CHST9: variants seen among roughly 807,000 people sequenced by gnomAD.
CHST9 encodes the protein carbohydrate sulfotransferase 9.
Under a neutral mutation model 44.4 loss-of-function variants are expected in CHST9, and 41 were observed. The ratio of observed to expected loss-of-function variants is 0.92; its 90% CI spans 0.72 to 1.20. The LOEUF (loss-of-function observed/expected upper bound fraction) is 1.20, where lower values mean the gene tolerates loss of function less well. CHST9 is among the 50% of genes most tolerant of loss of function. CHST9 has a pLI of 0.00. For missense variants in CHST9, 504 were observed against 516.5 expected (o/e 0.98, Z 0.23); for synonymous variants, 171 against 178.4 (o/e 0.96, Z 0.33).
At chr18:27,028,216 T>C (rs905579439) in intron 3 of CHST9, among the ~76,000 whole-genome samples, 1 of 152,210 alleles carries the variant, frequency 6.6e-6, no homozygotes, top group Non-Finnish European at 1.5e-5. Context: ...GCTCGGCCTA[T>C]ATAGCCTTTT....
In CHST9 at chr18:26,982,581, G is replaced by A. The variant is rs1356757747; in HGVS notation, c.203-38215C>T. Among the ~76,000 whole-genome samples the A allele has an allele frequency of 2.6e-5, 4 of 152,286 alleles. No homozygotes were observed. The East Asian group carries it at 5.8e-4, about 22-fold the overall frequency. ...CCTTACTGGGGACGGGGGACACACA[G>A]TGAATGGGATACTGTTGCTGGCTTC... is the stretch of plus-strand genomic sequence containing the variant. On this transcript the variant is annotated intron_variant, in intron 4 of 5. Coordinates refer to ENST00000618847, the MANE Select transcript of CHST9 (RefSeq NM_031422.6).
intron 2 of CHST9, among the ~76,000 whole-genome samples, chr18:27,053,218 G>GGAAGAGGAA (rs1491351077): frequency 1.9e-4 from 6 of 32,324 alleles, no homozygotes; most frequent in Non-Finnish European, 4.0e-4. Flanking sequence ...AGGAGGAAGA[G>GGAAGAGGAA]GAAGAAGAAG....
intron 2 of CHST9, among the ~76,000 whole-genome samples, chr18:27,071,810 CT>C (rs1008811778): frequency 7.9e-5 from 12 of 152,188 alleles, no homozygotes; most frequent in Admixed American, 6.5e-4. Context: ...AACAAAGGGC[CT>C]TGGGGGGGAT....
At chr18:27,022,784 T>C (rs898505394) in intron 4 of CHST9, among the ~76,000 whole-genome samples, 2 of 152,240 alleles carry the variant, frequency 1.3e-5, no homozygotes, top group Non-Finnish European at 2.9e-5. Flanking sequence ...TTTAACAGTG[T>C]ATTCTGTGCA....
chr18:26,956,574 C>CT (rs2056328966), intron 4 of CHST9, among the ~76,000 whole-genome samples: 1 of 151,436 alleles, frequency 6.6e-6, no homozygotes, highest in African/African-American at 2.4e-5. Context: ...TTGTCTCTTG[C>CT]TTATGGATAG....
chr18:27,185,190 C>T lies in CHST9; in HGVS notation c.-151G>A, dbSNP rs2058947140. ...TGCTGCTGTTCCAGGAGCGCAGCTT[C>T]GGAGGAAACTTCCCCGCGCTCCGGG... On this transcript the variant is annotated 5_prime_UTR_variant, in exon 1 of 6. Transcript: ENST00000618847. 2 of 152,100 alleles carry T rather than the reference C, an allele frequency of 1.3e-5. No individual in the cohort carries two copies. Among genetic ancestry groups the T allele is most frequent in the Non-Finnish European group, 2.9e-5 (2 of 68,054 alleles). 9.4% of individuals were successfully genotyped at this position (152,100 alleles called of 1,614,324 possible).
At chr18:27,084,102 T>G (rs2143690298) in intron 2 of CHST9, among the ~76,000 whole-genome samples, 1 of 139,204 alleles carries the variant, frequency 7.2e-6, no homozygotes, top group South Asian at 2.2e-4. Flanking sequence ...CAAAGTTGCT[T>G]TTTTTTTTTT....
At chr18:27,166,507 C>A (rs1203483692) in intron 1 of CHST9, among the ~76,000 whole-genome samples, 1 of 152,152 alleles carries the variant, frequency 6.6e-6, no homozygotes, top group Non-Finnish European at 1.5e-5. Context: ...TAGAACTCAT[C>A]TTTGAAGTGA....
At chr18:27,126,440 G>A (rs374829780) in intron 2 of CHST9, among the ~76,000 whole-genome samples, 19 of 152,262 alleles carry the variant, frequency 1.2e-4, no homozygotes, top group South Asian at 6.2e-4. Context: ...ATCTACCCTC[G>A]TGAGGGCTTC....
rs139472440 is a variant in CHST9, at chr18:26,942,550, C to T, written c.240+1779G>A. On this transcript the variant is annotated intron_variant, in intron 5 of 5. Transcript: ENST00000618847. ...TACATATTTTGTTAGTTTTGCTAAA[C>T]GTAAAAAGAAGCTAAAATAGGAAAT... 5.1e-3 allele frequency among the ~76,000 whole-genome samples: 770 copies of T among 151,948 alleles called. 1 individual carries two copies. Among genetic ancestry groups the T allele is most frequent in the African/African-American group, 7.7e-3 (317 of 41,430 alleles).
At chr18:27,144,504 C>T (rs577826036) in intron 1 of CHST9, among the ~76,000 whole-genome samples, 1 of 152,084 alleles carries the variant, frequency 6.6e-6, no homozygotes, top group Admixed American at 6.6e-5. Context: ...CATGGTGAAA[C>T]CCTGTCTCTA....
chr18:26,943,766 A>T (rs1326359880), intron 5 of CHST9, among the ~76,000 whole-genome samples: 3 of 152,196 alleles, frequency 2.0e-5, no homozygotes, highest in African/African-American at 7.2e-5. Context: ...GAAGGACACC[A>T]TCTACCTAGA....
At chr18:27,173,009 T>C (rs2058844322) in intron 1 of CHST9, among the ~76,000 whole-genome samples, 2 of 152,054 alleles carry the variant, frequency 1.3e-5, no homozygotes, top group Non-Finnish European at 2.9e-5. Context: ...AGGGACCTGA[T>C]TAGAAATATT....
intron 2 of CHST9, among the ~76,000 whole-genome samples, chr18:27,130,532 G>A (rs1199381787): frequency 3.9e-5 from 6 of 152,146 alleles, no homozygotes; most frequent in African/African-American, 1.2e-4. Context: ...CATGTGAGCC[G>A]AGGAATAGAT....
rs543374417 is a variant in CHST9, at chr18:27,046,227, C to G, written c.160+2238G>C. Among the ~76,000 whole-genome samples the G allele has an allele frequency of 3.3e-5, 5 of 151,928 alleles. No individual in the cohort carries two copies. The East Asian group carries it at 7.7e-4, about 24-fold the overall frequency. On this transcript the variant is annotated intron_variant, in intron 3 of 5. Transcript: ENST00000618847. ...TCCTTGTTAGGAAGTTATTTCTTAC[C>G]CTGAATAAAAAGTTACTTCTGTGTA...
chr18:26,917,382 G>A (rs2055555935), intron 5 of CHST9, 32 bp from the exon 6 acceptor site: 1 of 1,591,346 alleles, frequency 6.3e-7, no homozygotes, highest in Non-Finnish European at 8.5e-7. Context: ...AATGTTGAAA[G>A]CACAGTCACG....
intron 5 of CHST9, among the ~76,000 whole-genome samples, chr18:26,940,725 G>A (rs925258367): frequency 6.6e-6 from 1 of 152,170 alleles, no homozygotes; most frequent in South Asian, 2.1e-4. Flanking sequence ...TTTCCGGCTT[G>A]TTATGGGTCA....
intron 4 of CHST9, among the ~76,000 whole-genome samples, chr18:26,973,546 C>G (rs886733166): frequency 2.0e-5 from 3 of 152,218 alleles, no homozygotes; most frequent in Non-Finnish European, 2.9e-5. Context: ...TGTGGCCGAA[C>G]ACAAATTTGT....
intron 5 of CHST9, chr18:26,928,506 T>A (rs1013621354): frequency 3.1e-5 from 4 of 129,416 alleles, no homozygotes; most frequent in African/African-American, 1.1e-4. Flanking sequence ...TAGGACAATG[T>A]CATCATTTGT....
Sources: allele counts gnomAD v4.1 joint callset (sites outside exome capture counted in the v4.1 genomes callset), GRCh38; gene constraint gnomAD v4.1.1; transcripts MANE v1.5; gene names NCBI Gene and HGNC (gene_info 2026-07-23, HGNC 2026-07-21).